UPF2: variants seen among roughly 807,000 people sequenced by gnomAD.
UPF2 encodes the protein UPF2 regulator of nonsense mediated mRNA decay, also known as regulator of nonsense transcripts 2.
A neutral mutation model predicts 141.4 loss-of-function variants in UPF2; 17 were observed. That is an observed-to-expected ratio of 0.12 (90% confidence interval 0.08 to 0.18). The LOEUF is 0.18. UPF2 is among the 10% of genes least tolerant of loss of function. The pLI is 1.00. For missense variants in UPF2, 1,152 were observed against 1,515.9 expected (o/e 0.76, Z 3.99); for synonymous variants, 540 against 498.0 (o/e 1.08, Z -1.12).
chr10:12,039,827 T>A (rs906889832), intron 1 of UPF2, among the ~76,000 whole-genome samples: 4 of 151,704 alleles, frequency 2.6e-5, no homozygotes, highest in Non-Finnish European at 5.9e-5. Context: ...TCCATGTTGG[T>A]CAGGCTGGTC....
At chr10:11,930,845 A>G (rs1223031966) in intron 20 of UPF2, among the ~76,000 whole-genome samples, 3 of 152,124 alleles carry the variant, frequency 2.0e-5, no homozygotes, top group Non-Finnish European at 4.4e-5. Context: ...AAGATTGGAA[A>G]CCACAAATAC....
chr10:12,024,931 CAAAAAAAAAA>C (rs61678431), intron 3 of UPF2, among the ~76,000 whole-genome samples: 60 of 53,488 alleles, frequency 1.1e-3, no homozygotes, highest in African/African-American at 3.5e-3. Flanking sequence ...GACCCTGTTA[CAAAAAAAAAA>C]AAAAAAAAAA....
At chr10:11,963,235 T>C (rs1042990570) in intron 11 of UPF2, among the ~76,000 whole-genome samples, 2 of 152,226 alleles carry the variant, frequency 1.3e-5, no homozygotes, top group African/African-American at 2.4e-5. Flanking sequence ...TAGAATTACG[T>C]AGTTAACTCT....
intron 1 of UPF2, among the ~76,000 whole-genome samples, chr10:12,038,406 A>G (rs1476544092): frequency 6.6e-6 from 1 of 150,516 alleles, no homozygotes; most frequent in Non-Finnish European, 1.5e-5. Context: ...ACACACACAC[A>G]CACACACACA....
intron 19 of UPF2, among the ~76,000 whole-genome samples, chr10:11,933,958 T>C (rs971323169): frequency 6.6e-6 from 1 of 152,194 alleles, no homozygotes; most frequent in African/African-American, 2.4e-5. Flanking sequence ...GAGACCAAGG[T>C]ATATCTAGCT....
intron 9 of UPF2, among the ~76,000 whole-genome samples, chr10:11,973,416 T>C (rs1214620550): frequency 2.0e-5 from 3 of 152,212 alleles, no homozygotes; most frequent in African/African-American, 7.2e-5. Flanking sequence ...ATTCTGGCTT[T>C]TGTTGCCATT....
chr10:12,010,045 A>T (rs1834101360), intron 4 of UPF2, among the ~76,000 whole-genome samples: 1 of 152,204 alleles, frequency 6.6e-6, no homozygotes. Flanking sequence ...TATCAGAAAA[A>T]GTCCAGAAAG....
chr10:11,978,401 A>G (rs886535266), intron 9 of UPF2, among the ~76,000 whole-genome samples: 4 of 152,158 alleles, frequency 2.6e-5, no homozygotes, highest in African/African-American at 7.2e-5. Context: ...CCCACTATCA[A>G]GCCTGTATTT....
Position 12,035,226 on chromosome 10 carries a change from T to C in UPF2, c.198A>G (p.Lys66=). ...KKKRLEDDKR[K]KEDKERKKKD... ...TTTTCTTGCGTTCCTTGTCTTCCTT[T>C]TTTCTCTTATCATCTTCCAGTCTCT... Residue 66 remains lysine, a synonymous_variant, in exon 2 of 22, where the codon AAA becomes AAG. Coordinates refer to ENST00000357604, the MANE Select transcript of UPF2 (RefSeq NM_015542.4). 6.2e-7 allele frequency: 1 copy of C among 1,613,892 alleles called. No homozygotes were observed.
At position 11,959,050 on chromosome 10, in the gene UPF2, TACAC is replaced by T. The variant is rs1833198991; in HGVS notation, c.2370+117_2370+120del. 1 of 857,022 alleles carries T rather than the reference TACAC, an allele frequency of 1.2e-6. No individual in the cohort carries two copies. The allele number at this position is 857,022 out of a possible 1,614,324, so 53.1% of individuals were successfully genotyped here. On this transcript the variant is annotated intron_variant, in intron 12 of 21. Transcript: ENST00000357604. The surrounding 1 kb of genome is among the most constrained non-coding windows in gnomAD (Gnocchi z 5.9). ...ATAAGAATTCCTTCTTAGGGTGACT[TACAC>T]AGAGCTGATTATAAAGGAACTTGAG...
intron 18 of UPF2, among the ~76,000 whole-genome samples, chr10:11,942,091 T>C (rs1007122675): frequency 1.3e-5 from 2 of 152,140 alleles, no homozygotes; most frequent in African/African-American, 4.8e-5. Flanking sequence ...TATGACTTAA[T>C]AGGCCAGGCA....
intron 4 of UPF2, among the ~76,000 whole-genome samples, chr10:12,008,449 T>TGAAA (rs1834072742): frequency 6.6e-6 from 1 of 151,534 alleles, no homozygotes; most frequent in Non-Finnish European, 1.5e-5. Flanking sequence ...GCTAACATAG[T>TGAAA]GAAACCCTAT....
At chr10:11,942,954 A>C in intron 17 of UPF2, 110 bp downstream of exon 17, 1 of 982,368 alleles carries the variant, frequency 1.0e-6, no homozygotes. Context: ...TGAATTTCTA[A>C]AGAAATATTT....
At chr10:11,978,625 G>A (rs1833544335) in intron 9 of UPF2, among the ~76,000 whole-genome samples, 1 of 152,138 alleles carries the variant, frequency 6.6e-6, no homozygotes, top group Non-Finnish European at 1.5e-5. Flanking sequence ...GGCAGCACTT[G>A]CTAGTATCAG....
At chr10:12,009,051 A>G (rs1312500029) in intron 4 of UPF2, among the ~76,000 whole-genome samples, 2 of 152,108 alleles carry the variant, frequency 1.3e-5, no homozygotes, top group East Asian at 3.8e-4. Context: ...ATAGTATTCC[A>G]TGGTGTATAT....
In UPF2 at chr10:12,014,486, T is replaced by A. The variant is rs1834184754; in HGVS notation, c.1146-302A>T. ...ATTCAGTATTTTATTACAGTCACACTCTTCTCAGATATAGAGTTAACCAAA... is the reference window on the plus strand; with the variant it reads ...ATTCAGTATTTTATTACAGTCACACACTTCTCAGATATAGAGTTAACCAAA... On this transcript the variant is annotated intron_variant, in intron 3 of 21. Transcript: ENST00000357604. The surrounding 1 kb of genome is among the most constrained non-coding windows in gnomAD (Gnocchi z 5.0). Among the ~76,000 whole-genome samples, 1 of 152,200 alleles carries A rather than the reference T, an allele frequency of 6.6e-6. No homozygotes were observed. The highest frequency in any genetic ancestry group is 2.4e-5 in the African/African-American group (1 of 41,452).
intron 19 of UPF2, among the ~76,000 whole-genome samples, chr10:11,934,419 C>T (rs1832818745): frequency 6.6e-6 from 1 of 152,160 alleles, no homozygotes; most frequent in African/African-American, 2.4e-5. Context: ...AGGGGTGTGG[C>T]TCTCCTGAAA....
intron 1 of UPF2, among the ~76,000 whole-genome samples, chr10:12,037,028 G>GA (rs202088809): frequency 2.0e-5 from 3 of 151,616 alleles, no homozygotes; most frequent in African/African-American, 4.8e-5. Flanking sequence ...TCCGCCTCAA[G>GA]AAAAAAAAGA....
intron 9 of UPF2, among the ~76,000 whole-genome samples, chr10:11,976,928 T>A (rs1040936336): frequency 1.3e-5 from 2 of 152,240 alleles, no homozygotes; most frequent in Non-Finnish European, 2.9e-5. Context: ...GAACCCCACC[T>A]GGTAGACATG....
Sources: gnomAD v4.1 joint callset for allele counts (sites outside exome capture counted in the v4.1 genomes callset) on GRCh38, gnomAD v4.1.1 for gene constraint, Gnocchi (gnomAD v3.1) non-coding constraint, MANE v1.5 for transcripts, NCBI Gene and HGNC (gene_info 2026-07-23, HGNC 2026-07-21) for gene names.